The following TANC2 variants were observed in gnomAD, a reference collection of about 807,000 sequenced individuals.
TANC2 encodes tetratricopeptide repeat, ankyrin repeat and coiled-coil containing 2.
A neutral mutation model predicts 210.5 loss-of-function variants in TANC2; 26 were observed. That is an observed-to-expected ratio of 0.12 (90% CI 0.09 to 0.17). TANC2 has a LOEUF of 0.17. Ranked by LOEUF, TANC2 falls within the 10% of genes least tolerant of loss-of-function variation. The pLI, the probability that TANC2 is intolerant of heterozygous loss-of-function variation, is 1.00. For synonymous variants in TANC2, 931 were observed against 967.1 expected, an observed-to-expected ratio of 0.96 and a Z score of 0.69; for missense variants, 2,129 against 2,608.9, an observed-to-expected ratio of 0.82 and a Z score of 4.01.
chr17:63,094,349 C>T (rs536219934), intron 3 of TANC2, among the ~76,000 whole-genome samples: 1 of 152,092 alleles, frequency 6.6e-6, no homozygotes, highest in Non-Finnish European at 1.5e-5. Context: ...AGGCAAAACT[C>T]CTTTGCTTCT....
intron 5 of TANC2, among the ~76,000 whole-genome samples, chr17:63,188,567 G>A: frequency 7.1e-6 from 1 of 141,528 alleles, no homozygotes; most frequent in South Asian, 2.2e-4. Flanking sequence ...CCAGCCTGGT[G>A]ACAGAGTGAG....
At chr17:63,127,375 A>T (rs1472511707) in intron 4 of TANC2, among the ~76,000 whole-genome samples, 1 of 152,214 alleles carries the variant, frequency 6.6e-6, no homozygotes, top group Admixed American at 6.5e-5. Flanking sequence ...TTCTAATTAT[A>T]TAATTTTTCC....
chr17:62,974,435 G>T (rs2031885413), intron 1 of TANC2, among the ~76,000 whole-genome samples: 1 of 151,308 alleles, frequency 6.6e-6, no homozygotes, highest in Middle Eastern at 3.4e-3. Flanking sequence ...CCTTGATTTT[G>T]TATATTAGTT....
intron 8 of TANC2, among the ~76,000 whole-genome samples, chr17:63,258,907 C>T (rs2043277304): frequency 2.0e-5 from 3 of 152,116 alleles, no homozygotes; most frequent in African/African-American, 7.2e-5. Flanking sequence ...CAGGAGTCCT[C>T]CCTCAAAAAG....
At chr17:63,273,327 G>A (rs2043773529) in intron 9 of TANC2, among the ~76,000 whole-genome samples, 1 of 151,552 alleles carries the variant, frequency 6.6e-6, no homozygotes, top group South Asian at 2.1e-4. Context: ...TATTTATATG[G>A]GATAAATTGA....
At chr17:62,984,713 C>T (rs940217614) in intron 1 of TANC2, among the ~76,000 whole-genome samples, 4 of 151,756 alleles carry the variant, frequency 2.6e-5, no homozygotes, top group Non-Finnish European at 5.9e-5. Flanking sequence ...TTTTTTCCTT[C>T]ATTCATTGGT....
intron 2 of TANC2, among the ~76,000 whole-genome samples, chr17:63,068,022 A>G (rs1222001209): frequency 1.3e-5 from 2 of 152,232 alleles, no homozygotes; most frequent in East Asian, 1.9e-4. Flanking sequence ...TATGTGATCA[A>G]TCTGCTGAAG....
chr17:63,129,324 A>C (rs1461586059), intron 4 of TANC2, among the ~76,000 whole-genome samples: 1 of 152,158 alleles, frequency 6.6e-6, no homozygotes, highest in African/African-American at 2.4e-5. Flanking sequence ...TAAGACATAC[A>C]AGGTTCAGGT....
Position 63,240,396 on chromosome 17 carries a change from AC to A in TANC2, c.1033+2320del, listed in dbSNP as rs547860203. ...CTACTTAACATCAACATTGTGTATTACTGTCTTCTTCCTACTTACTCCCCAT... is the reference window on the plus strand; with the variant it reads ...CTACTTAACATCAACATTGTGTATTATGTCTTCTTCCTACTTACTCCCCAT... On this transcript the variant is annotated intron_variant, in intron 8 of 27. Transcript: ENST00000689528. Among the ~76,000 whole-genome samples the A allele has an allele frequency of 2.5e-3, 386 of 152,264 alleles. 1 individual carries two copies. Among genetic ancestry groups the A allele is most frequent in the Non-Finnish European group, 4.4e-3 (297 of 68,008 alleles).
At chr17:63,199,820 T>A (rs2145790213) in intron 6 of TANC2, among the ~76,000 whole-genome samples, 1 of 152,310 alleles carries the variant, frequency 6.6e-6, no homozygotes, top group Non-Finnish European at 1.5e-5. Context: ...TAGCTTCAAG[T>A]GTAAGAATCA....
intron 1 of TANC2, among the ~76,000 whole-genome samples, chr17:62,979,811 C>T (rs1473545082): frequency 2.6e-5 from 4 of 152,070 alleles, no homozygotes; most frequent in African/African-American, 7.2e-5. Flanking sequence ...CATGGGAGGC[C>T]GAGGCAGGAG....
At chr17:63,381,650 C>A (rs569049407) in intron 15 of TANC2, among the ~76,000 whole-genome samples, 1 of 152,086 alleles carries the variant, frequency 6.6e-6, no homozygotes, top group Non-Finnish European at 1.5e-5. Flanking sequence ...TGTAAATAAC[C>A]CGCTTTAAAG....
chr17:63,259,135 C>G (rs746800330), intron 8 of TANC2, among the ~76,000 whole-genome samples: 3 of 152,094 alleles, frequency 2.0e-5, no homozygotes, highest in Non-Finnish European at 4.4e-5. Flanking sequence ...AGCTAGGGCC[C>G]GAAATAGGGG....
intron 13 of TANC2, among the ~76,000 whole-genome samples, chr17:63,352,316 G>A (rs986217369): frequency 5.3e-5 from 8 of 151,982 alleles, no homozygotes; most frequent in Non-Finnish European, 1.2e-4. Context: ...CAGGCACTTA[G>A]CATTATTTCC....
chr17:63,153,244 AGTGAAATAAT>A (rs2039718295), intron 5 of TANC2: 1 of 152,186 alleles, frequency 6.6e-6, no homozygotes, highest in African/African-American at 2.4e-5. Flanking sequence ...AGTATTATAA[AGTGAAATAAT>A]ACTTAATTTT....
At chr17:63,402,090 G>T (rs1490889015) in intron 19 of TANC2, among the ~76,000 whole-genome samples, 1 of 152,162 alleles carries the variant, frequency 6.6e-6, no homozygotes, top group African/African-American at 2.4e-5. Context: ...AGCATAAAAA[G>T]ACCAGTAATA....
chr17:63,326,774 C>T (rs2045663008), intron 11 of TANC2, among the ~76,000 whole-genome samples: 1 of 151,542 alleles, frequency 6.6e-6, no homozygotes, highest in South Asian at 2.1e-4. Flanking sequence ...TGTTGCATGA[C>T]CAAAAAATAC....
intron 7 of TANC2, among the ~76,000 whole-genome samples, chr17:63,234,028 C>T (rs1451573609): frequency 6.6e-6 from 1 of 152,160 alleles, no homozygotes; most frequent in Non-Finnish European, 1.5e-5. Flanking sequence ...TCTGGAATGA[C>T]TGGGAGTTGG....
Position 63,289,950 on chromosome 17 carries a change from C to T in TANC2, c.1159+22077C>T, listed in dbSNP as rs942283893. Among the ~76,000 whole-genome samples the T allele has an allele frequency of 2.0e-5, 3 of 152,078 alleles. No individual in the cohort carries two copies. The South Asian group carries it at 6.2e-4, about 32-fold the overall frequency. On this transcript the variant is annotated intron_variant, in intron 9 of 27. Transcript: ENST00000689528. ...CTCAGGTATTGTTTTCCTTCCCCCCCTTCAGTGGGAGAGGAGGACTAGAGT... is the reference window on the plus strand; with the variant it reads ...CTCAGGTATTGTTTTCCTTCCCCCCTTTCAGTGGGAGAGGAGGACTAGAGT...
Sources: gnomAD v4.1 joint callset for allele counts (sites outside exome capture counted in the v4.1 genomes callset) on GRCh38, gnomAD v4.1.1 for gene constraint, MANE v1.5 for transcripts, NCBI Gene and HGNC (gene_info 2026-07-23, HGNC 2026-07-21) for gene names.